Variants in JAZF1 observed in about 807,000 individuals in gnomAD.
JAZF1 encodes juxtaposed with another zinc finger protein 1.
In JAZF1, 8 loss-of-function variants were observed where a neutral mutation model predicts 26.4. The observed-to-expected ratio is 0.30, with a 90% CI of 0.18 to 0.55. The LOEUF is 0.55. Ranked by LOEUF, JAZF1 falls within the 20% of genes least tolerant of loss-of-function variation. JAZF1 has a pLI of 0.94. For synonymous variants in JAZF1, 126 were observed against 122.3 expected, an observed-to-expected ratio of 1.03 and a Z score of -0.20; for missense variants, 199 against 322.0, an observed-to-expected ratio of 0.62 and a Z score of 2.92.
intron 1 of JAZF1, among the ~76,000 whole-genome samples, chr7:28,080,921 C>A: frequency 6.7e-6 from 1 of 148,680 alleles, no homozygotes; most frequent in African/African-American, 2.6e-5. Flanking sequence ...GGCCATAAAC[C>A]TACAATTTGT....
At chr7:28,174,821 G>GGTGTGTGTGGGTGTGTGT (rs1783524854) in intron 1 of JAZF1, among the ~76,000 whole-genome samples, 3 of 107,690 alleles carry the variant, frequency 2.8e-5, no homozygotes, top group African/African-American at 8.4e-5. Flanking sequence ...GGGGTGTGTG[G>GGTGTGTGTGGGTGTGTGT]GTGTGTGTGT....
At chr7:28,159,103 T>C (rs1471096918) in intron 1 of JAZF1, among the ~76,000 whole-genome samples, 1 of 152,012 alleles carries the variant, frequency 6.6e-6, no homozygotes, top group Admixed American at 6.6e-5. Context: ...AGGAAAGTTT[T>C]ATGAAAAGAC....
chr7:28,075,539 CTCTG>C (rs1232188333), intron 1 of JAZF1, among the ~76,000 whole-genome samples: 4 of 152,188 alleles, frequency 2.6e-5, no homozygotes, highest in Non-Finnish European at 5.9e-5. Flanking sequence ...TCCAAACCTT[CTCTG>C]TCTACCTATA....
chr7:27,973,473 T>G (rs1186791817), intron 2 of JAZF1, among the ~76,000 whole-genome samples: 1 of 152,050 alleles, frequency 6.6e-6, no homozygotes, highest in Non-Finnish European at 1.5e-5. Flanking sequence ...AATTTAAAAA[T>G]TTTTTTGAAG....
intron 2 of JAZF1, among the ~76,000 whole-genome samples, chr7:27,923,238 C>T (rs1313631864): frequency 6.6e-6 from 1 of 152,214 alleles, no homozygotes; most frequent in Non-Finnish European, 1.5e-5. Flanking sequence ...ACAAGACCAG[C>T]ATGTCCTTAG....
At chr7:27,838,184 A>G (rs979529559) in intron 4 of JAZF1, among the ~76,000 whole-genome samples, 5 of 152,172 alleles carry the variant, frequency 3.3e-5, no homozygotes, top group African/African-American at 4.8e-5. Flanking sequence ...TATGAAATAC[A>G]CATGTTGATA....
intron 3 of JAZF1, chr7:27,843,159 G>A (rs1300122526): frequency 6.6e-6 from 1 of 152,188 alleles, no homozygotes; most frequent in Non-Finnish European, 1.5e-5. Flanking sequence ...CCCAGGCAAG[G>A]TGGGACACAC....
intron 2 of JAZF1, among the ~76,000 whole-genome samples, chr7:27,911,675 T>A (rs1174728991): frequency 1.3e-5 from 2 of 152,144 alleles, no homozygotes; most frequent in African/African-American, 2.4e-5. Context: ...TTACAACTGA[T>A]AAGAGCTCCA....
chr7:27,985,314 A>C (rs1255926823), intron 2 of JAZF1, among the ~76,000 whole-genome samples: 1 of 152,236 alleles, frequency 6.6e-6, no homozygotes, highest in African/African-American at 2.4e-5. Context: ...ATCAGAGAAT[A>C]CTATAAACAC....
At chr7:27,974,555 G>A (rs1785435230) in intron 2 of JAZF1, among the ~76,000 whole-genome samples, 1 of 152,168 alleles carries the variant, frequency 6.6e-6, no homozygotes, top group African/African-American at 2.4e-5. Flanking sequence ...GCCGAGGTTG[G>A]AAAGATTGCA....
At chr7:28,178,489 A>C (rs1364332681) in intron 1 of JAZF1, among the ~76,000 whole-genome samples, 1 of 152,174 alleles carries the variant, frequency 6.6e-6, no homozygotes, top group African/African-American at 2.4e-5. Flanking sequence ...AGCCTTCTGT[A>C]AGTCAAGAGA....
chr7:27,884,498 T>C (rs1783825472), intron 3 of JAZF1, among the ~76,000 whole-genome samples: 1 of 151,738 alleles, frequency 6.6e-6, no homozygotes. Context: ...ACACAGAATA[T>C]ATCCATCACT....
At chr7:27,897,677 T>C (rs1784092948) in intron 2 of JAZF1, among the ~76,000 whole-genome samples, 1 of 152,234 alleles carries the variant, frequency 6.6e-6, no homozygotes, top group Non-Finnish European at 1.5e-5. Flanking sequence ...TAGCTGGGCA[T>C]GGCCCTTGCA....
chr7:27,881,946 TTTA>T (rs1306534155), intron 3 of JAZF1, among the ~76,000 whole-genome samples: 2 of 152,182 alleles, frequency 1.3e-5, no homozygotes, highest in East Asian at 1.9e-4. Context: ...CTGCTTGACT[TTTA>T]TTTTTTATTT....
chr7:28,052,210 A>G (rs1783628510), intron 1 of JAZF1, among the ~76,000 whole-genome samples: 1 of 152,214 alleles, frequency 6.6e-6, no homozygotes. Flanking sequence ...CTCCTTGGTA[A>G]TTAGACCACC....
At chr7:27,846,367 GTATACGTACATGTACGTATATATACA>G (rs1783031063) in intron 3 of JAZF1, 1 of 299,330 alleles carries the variant, frequency 3.3e-6, no homozygotes. Context: ...GTGTACATAT[GTATACGTACATGTACGTATATATACA>G]TATACGTATA....
chr7:27,894,253 G>T (rs943002960), intron 3 of JAZF1, among the ~76,000 whole-genome samples: 4 of 152,156 alleles, frequency 2.6e-5, no homozygotes, highest in African/African-American at 9.7e-5. Context: ...GGCTGGTCTT[G>T]AAATCCTGGC....
At chr7:27,838,842 C>T (rs1782868755) in intron 4 of JAZF1, among the ~76,000 whole-genome samples, 1 of 152,170 alleles carries the variant, frequency 6.6e-6, no homozygotes, top group Admixed American at 6.5e-5. Flanking sequence ...GAAACTCACG[C>T]TTCCCTCGTG....
At chr7:27,912,120 T>C (rs898197720) in intron 2 of JAZF1, among the ~76,000 whole-genome samples, 4 of 152,154 alleles carry the variant, frequency 2.6e-5, no homozygotes, top group African/African-American at 9.7e-5. Context: ...ATGCAATAAG[T>C]AGCTCAAATT....
Sources: gnomAD v4.1 joint callset for allele counts (sites outside exome capture counted in the v4.1 genomes callset) on GRCh38, gnomAD v4.1.1 for gene constraint, MANE v1.5 for transcripts, NCBI Gene and HGNC (gene_info 2026-07-23, HGNC 2026-07-21) for gene names.